The following LOXL3 variants were observed in gnomAD, a reference collection of about 807,000 sequenced individuals.
The protein encoded by LOXL3 is lysyl oxidase like 3.
Under a neutral mutation model 91.8 loss-of-function variants are expected in LOXL3, and 60 were observed. The observed-to-expected ratio is 0.65, with a 90% CI of 0.53 to 0.81. LOXL3 has a LOEUF of 0.81. LOXL3 is among the 30% of genes least tolerant of loss of function. The probability of loss-of-function intolerance (pLI) is 0.00; values close to 1 mark genes in which losing one functional copy is unlikely to be tolerated. For missense variants in LOXL3, 874 were observed against 1,000.4 expected, an observed-to-expected ratio of 0.87 and a Z score of 1.70; for synonymous variants, 355 against 387.6, an observed-to-expected ratio of 0.92 and a Z score of 0.99.
intron 4 of LOXL3, among the ~76,000 whole-genome samples, chr2:74,544,490 A>G (rs1438953663): frequency 6.6e-6 from 1 of 152,240 alleles, no homozygotes; most frequent in Non-Finnish European, 1.5e-5. Flanking sequence ...GGCAAATAGG[A>G]GTTCAATAAA....
At position 74,549,035 on chromosome 2, in the gene LOXL3, G is replaced by C; in HGVS notation, c.692+334C>G. The C allele has an allele frequency of 5.5e-6, 1 of 182,490 alleles. No individual in the cohort carries two copies. Among genetic ancestry groups the C allele is most frequent in the East Asian group, 1.4e-4 (1 of 7,356 alleles). The allele number at this position is 182,490 out of a possible 1,614,324, so 11.3% of individuals were successfully genotyped here. A position where few individuals can be genotyped will look rare whatever the true frequency, so the allele number is the denominator to read the frequency against. On this transcript the variant is annotated intron_variant, in intron 4 of 13. Transcript: ENST00000264094. The surrounding 1 kb of genome is among the most constrained non-coding windows in gnomAD (Gnocchi z 5.3). ...TACTGAACTCGGAAATCGCTGGCCG[G>C]CAGCGCCAGCGCTGGAATCGCCCCC...
intron 9 of LOXL3, 120 bp from the exon 10 acceptor site, chr2:74,534,894 T>A: frequency 8.4e-7 from 1 of 1,188,522 alleles, no homozygotes; most frequent in Non-Finnish European, 1.2e-6. Flanking sequence ...TGTTTGTTTG[T>A]TTGAGATGGA....
chr2:74,534,396 T>C lies in LOXL3; in HGVS notation c.1859A>G (p.Asp620Gly), dbSNP rs202011389. The change falls in exon 11 of 14, where the codon GAT (aspartate) becomes GGT (glycine). Residue 620 changes from aspartate (D) to glycine (G), a missense_variant. By Grantham distance (94) the Asp-to-Gly change is moderately conservative (BLOSUM62 -1). Coordinates refer to ENST00000264094, the MANE Select transcript of LOXL3 (RefSeq NM_032603.5). The part of the protein sequence containing the change: ...YHSMDIFTHY[D>G]ILTPNGTKVA... ...CTTGGTGCCATTTGGGGTGAGGATA[T>C]CATAGTGAGTGAAGATGTCCATGCT... The C allele has an allele frequency of 2.7e-5, 44 of 1,614,226 alleles. No homozygotes were observed. The highest frequency in any genetic ancestry group is 3.6e-5 in the Non-Finnish European group (43 of 1,180,034).
chr2:74,555,474 G>C (rs763995025), upstream of LOXL3: 1 of 1,607,958 alleles, frequency 6.2e-7, no homozygotes, highest in South Asian at 1.1e-5. The surrounding 1 kb of genome is among the most constrained non-coding windows in gnomAD (Gnocchi z 6.1). Flanking sequence ...GCGGCGATGC[G>C]GGGTGGGGGC....
chr2:74,552,143 C>T (rs1005811785), intron 2 of LOXL3, among the ~76,000 whole-genome samples, 179 bp downstream of exon 2: 1 of 152,194 alleles, frequency 6.6e-6, no homozygotes, highest in African/African-American at 2.4e-5. Context: ...ACTGACTAGC[C>T]TAAGGTCACA....
chr2:74,543,737 C>T (rs984512891), intron 4 of LOXL3, among the ~76,000 whole-genome samples: 1 of 148,592 alleles, frequency 6.7e-6, no homozygotes, highest in Non-Finnish European at 1.5e-5. Context: ...CTAAAAATAC[C>T]CAAAAATCAG....
chr2:74,535,633 C>T lies in LOXL3; in HGVS notation c.1371G>A (p.Val457=). ...AGCCCAGACCCAGTTGCCTACAGGCCACCATGGCCTCCAGGGTCCCCCAGT... is the reference window on the plus strand; with the variant it reads ...AGCCCAGACCCAGTTGCCTACAGGCTACCATGGCCTCCAGGGTCCCCCAGT... The part of the protein sequence containing the change: ...GDDWGTLEAM[V]ACRQLGLGYA... The change falls in exon 8 of 14, where the codon GTG becomes GTA. Residue 457 remains valine, a synonymous_variant. Coordinates refer to ENST00000264094, the MANE Select transcript of LOXL3 (RefSeq NM_032603.5). This position sits in a 1 kb window ranked among gnomAD's most constrained non-coding sequence, Gnocchi z 4.2. 6.2e-7 allele frequency: 1 copy of T among 1,614,130 alleles called. No homozygotes were observed. The highest frequency in any genetic ancestry group is 8.5e-7 in the Non-Finnish European group (1 of 1,180,022).
intron 4 of LOXL3, among the ~76,000 whole-genome samples, chr2:74,537,863 G>A (rs1049416586): frequency 1.3e-5 from 2 of 152,236 alleles, no homozygotes; most frequent in Non-Finnish European, 2.9e-5. Flanking sequence ...TGCCCGCAGA[G>A]AAAGGGAAGA....
chr2:74,544,003 C>T (rs116576128), intron 4 of LOXL3, among the ~76,000 whole-genome samples: 116 of 151,868 alleles, frequency 7.6e-4, no homozygotes, highest in African/African-American at 2.6e-3. Flanking sequence ...CATAGCCCTC[C>T]CCATTAAAAC....
chr2:74,536,790 T>A lies in LOXL3; in HGVS notation c.831A>T (p.Ala277=), dbSNP rs1371211299. Residue 277 remains alanine (A), a synonymous_variant, in exon 5 of 14, where the codon GCA becomes GCT. Transcript: ENST00000264094. The surrounding 1 kb of genome is among the most constrained non-coding windows in gnomAD (Gnocchi z 4.5). ...DTARCPGGGP[A]VVSCVPGPVY... ...CAGGGCCTGGCACACAGCTCACCAC[T>A]GCAGGGCCCCCCCCAGGGCACCTGG... 5 of 1,614,150 alleles carry A rather than the reference T, an allele frequency of 3.1e-6. No individual in the cohort carries two copies. In the South Asian group the frequency reaches 3.3e-5, roughly 11 times the overall value.
rs1676034213 is a variant in LOXL3 at position 74,536,545 on chromosome 2, G to A, written c.913-74C>T. The A allele has an allele frequency of 2.0e-6, 3 of 1,514,420 alleles. No homozygotes were observed. The highest frequency in any genetic ancestry group is 2.7e-6 in the Non-Finnish European group (3 of 1,116,218). 93.8% of individuals were successfully genotyped at this position (1,514,420 alleles called of 1,614,324 possible). On this transcript the variant is annotated intron_variant, in intron 5 of 13. Coordinates refer to ENST00000264094, the MANE Select transcript of LOXL3 (RefSeq NM_032603.5). This position sits in a 1 kb window ranked among gnomAD's most constrained non-coding sequence, Gnocchi z 4.5. ...GGAGGGCTAAGCAGACCTGGGAGAT[G>A]AGTGAGACTTTGGTGGAAGGGAGTG...
Position 74,552,526 on chromosome 2 carries a change from C to G in LOXL3, c.109G>C (p.Ala37Pro), listed in dbSNP as rs1247284618. 2 of 1,613,226 alleles carry G rather than the reference C, an allele frequency of 1.2e-6. No homozygotes were observed. Among genetic ancestry groups the G allele is most frequent in the African/African-American group, 2.7e-5 (2 of 74,946 alleles). Residue 37 changes from alanine to proline, a missense_variant, in exon 2 of 14, where the codon GCC (alanine) becomes CCC (proline). Transcript: ENST00000264094. ...CGGAACCGAAGCCCCTGGCTCCCGGCCTTCTTCTCAGGGCCCGTGGAAGGG... is the reference window on the plus strand; with the variant it reads ...CGGAACCGAAGCCCCTGGCTCCCGGGCTTCTTCTCAGGGCCCGTGGAAGGG... Reference protein sequence around the residue: ...PSPSTGPEKKAGSQGLRFRLA... With the variant: ...PSPSTGPEKKPGSQGLRFRLA...
At chr2:74,551,263 C>T (rs1169831905) in intron 2 of LOXL3, among the ~76,000 whole-genome samples, 1 of 152,244 alleles carries the variant, frequency 6.6e-6, no homozygotes, top group African/African-American at 2.4e-5. Context: ...CTGGCTTCCT[C>T]TCAGAATTGG....
Position 74,549,939 on chromosome 2 carries a change from G to A in LOXL3, c.477+246C>T. ...ACATTTGAGGAGAAGGAGAGCACCA[G>A]GTGCCCCAGGGGTGACTAGGGATGA... On this transcript the variant is annotated intron_variant, in intron 3 of 13. Transcript: ENST00000264094. The surrounding 1 kb of genome is among the most constrained non-coding windows in gnomAD (Gnocchi z 5.3). 1 of 985,482 alleles carries A rather than the reference G, an allele frequency of 1.0e-6. No individual in the cohort carries two copies. The highest frequency in any genetic ancestry group is 1.2e-6 in the Non-Finnish European group (1 of 829,938). 61.0% of individuals were successfully genotyped at this position (985,482 alleles called of 1,614,324 possible).
rs368330615 is a variant in LOXL3 at position 74,536,966 on chromosome 2, A to G, written c.693-38T>C. ...GAGTGAGGTGCAGTAGGGTAAAACA[A>G]TGCTCCTGCCTCTTGGCCCCACAAA... On this transcript the variant is annotated intron_variant, in intron 4 of 13. Coordinates refer to ENST00000264094, the MANE Select transcript of LOXL3 (RefSeq NM_032603.5). The surrounding 1 kb of genome is among the most constrained non-coding windows in gnomAD (Gnocchi z 4.5). 2 of 1,554,870 alleles carry G rather than the reference A, an allele frequency of 1.3e-6. No homozygotes were observed. The highest frequency in any genetic ancestry group is 1.8e-6 in the Non-Finnish European group (2 of 1,129,830).
In LOXL3 at chr2:74,549,594, G is replaced by T. The variant is rs1245886136; in HGVS notation, c.478-11C>A. ...CAGGTGATGCTCTACCTGGGGGCGG[G>T]GCCACAAGCAGGGAAAGAATCCCAG... On this transcript the variant is annotated splice_polypyrimidine_tract_variant and intron_variant, in intron 3 of 13. Coordinates refer to ENST00000264094, the MANE Select transcript of LOXL3 (RefSeq NM_032603.5). The surrounding 1 kb of genome is among the most constrained non-coding windows in gnomAD (Gnocchi z 5.3). 1 of 1,596,776 alleles carries T rather than the reference G, an allele frequency of 6.3e-7. No homozygotes were observed. The highest frequency in any genetic ancestry group is 1.3e-5 in the African/African-American group (1 of 74,604).
intron 13 of LOXL3, 31 bp from the exon 14 acceptor site, chr2:74,533,710 C>T (rs1021935092): frequency 1.9e-6 from 3 of 1,604,640 alleles, no homozygotes; most frequent in Middle Eastern, 1.7e-4. Context: ...TTGGGAGGCG[C>T]CCTGCACAGA....
At position 74,540,307 on chromosome 2, in the gene LOXL3, C is replaced by T. The variant is rs565770139; in HGVS notation, c.693-3379G>A. 7.9e-5 allele frequency among the ~76,000 whole-genome samples: 12 copies of T among 152,308 alleles called. No individual in the cohort carries two copies. The South Asian group carries it at 1.7e-3, about 21-fold the overall frequency. On this transcript the variant is annotated intron_variant, in intron 4 of 13. Coordinates refer to ENST00000264094, the MANE Select transcript of LOXL3 (RefSeq NM_032603.5). Reference sequence around the variant, plus strand: ...GGACTCCTGAGTCCAGATGTTAGTGCTAAACCTCAGTGGAGGGCTAAGGGG... The same window carrying T: ...GGACTCCTGAGTCCAGATGTTAGTGTTAAACCTCAGTGGAGGGCTAAGGGG...
At position 74,536,240 on chromosome 2, in the gene LOXL3, C is replaced by A; in HGVS notation, c.1093+51G>T. ...CTAACCTTCCGAAGGAATATGCCCCCCAGGAGCATGTACCTCCTTCCCTCT... is the reference window on the plus strand; with the variant it reads ...CTAACCTTCCGAAGGAATATGCCCCACAGGAGCATGTACCTCCTTCCCTCT... On this transcript the variant is annotated intron_variant, in intron 6 of 13. Transcript: ENST00000264094. This position sits in a 1 kb window ranked among gnomAD's most constrained non-coding sequence, Gnocchi z 4.5. 1 of 1,611,124 alleles carries A rather than the reference C, an allele frequency of 6.2e-7. No individual in the cohort carries two copies. Among genetic ancestry groups the A allele is most frequent in the Non-Finnish European group, 8.5e-7 (1 of 1,178,482 alleles).
Sources: allele counts gnomAD v4.1 joint callset (sites outside exome capture counted in the v4.1 genomes callset), GRCh38; gene constraint gnomAD v4.1.1; non-coding constraint Gnocchi (gnomAD v3.1); transcripts MANE v1.5; gene names NCBI Gene and HGNC (gene_info 2026-07-23, HGNC 2026-07-21).